Variants in LUZP2 observed in about 807,000 individuals in gnomAD.
The protein encoded by LUZP2 is leucine zipper protein 2.
Under a neutral mutation model 51.6 loss-of-function variants are expected in LUZP2, and 52 were observed. That is an observed-to-expected ratio of 1.01 (90% confidence interval 0.81 to 1.27). The LOEUF (loss-of-function observed/expected upper bound fraction) is 1.27. LUZP2 is among the 50% of genes most tolerant of loss of function. The pLI is 0.00. For missense variants in LUZP2, 436 were observed against 395.4 expected (o/e 1.10, Z -0.87); for synonymous variants, 154 against 137.3 (o/e 1.12, Z -0.85).
At chr11:24,877,931 A>G (rs1590676563) in intron 5 of LUZP2, among the ~76,000 whole-genome samples, 1 of 152,104 alleles carries the variant, frequency 6.6e-6, no homozygotes, top group African/African-American at 2.4e-5. Context: ...GCTGTAAATA[A>G]CAGGATCTCA....
At chr11:25,018,049 T>TTTTTTTTTG (rs1857211282) in intron 9 of LUZP2, among the ~76,000 whole-genome samples, 19 of 100,894 alleles carry the variant, frequency 1.9e-4, no homozygotes, top group Admixed American at 3.1e-4. Context: ...TTTTTTTTTG[T>TTTTTTTTTG]TTTTTTTTTT....
At chr11:24,635,399 T>G (rs1394455407) in intron 1 of LUZP2, among the ~76,000 whole-genome samples, 1 of 143,400 alleles carries the variant, frequency 7.0e-6, no homozygotes, top group Non-Finnish European at 1.5e-5. Context: ...CATGTAAGAT[T>G]TTAAACCTCA....
At chr11:24,865,766 ATATATGCATGTATATG>A (rs1851874377) in intron 5 of LUZP2, among the ~76,000 whole-genome samples, 3 of 122,570 alleles carry the variant, frequency 2.4e-5, no homozygotes, top group South Asian at 3.1e-4. Context: ...ATATGTGTAT[ATATATGCATGTATATG>A]TGTGTGTGTG....
At chr11:24,744,789 G>T (rs1181947104) in intron 4 of LUZP2, among the ~76,000 whole-genome samples, 2 of 145,452 alleles carry the variant, frequency 1.4e-5, no homozygotes, top group Admixed American at 7.1e-5. Context: ...GTTCCTTGAG[G>T]TGTGACCTTA....
intron 9 of LUZP2, among the ~76,000 whole-genome samples, chr11:25,046,861 A>G (rs553035591): frequency 7.9e-5 from 12 of 152,348 alleles, no homozygotes; most frequent in African/African-American, 2.9e-4. Flanking sequence ...TAAAAGCAGA[A>G]TAAAAATGGC....
chr11:24,882,437 T>C (rs183285763), intron 5 of LUZP2, among the ~76,000 whole-genome samples: 3 of 151,946 alleles, frequency 2.0e-5, no homozygotes, highest in East Asian at 3.9e-4. Context: ...TAAACCAACA[T>C]TGAAACGTCG....
chr11:24,602,132 G>GTGTATA (rs1853700788), intron 1 of LUZP2, among the ~76,000 whole-genome samples: 3 of 73,556 alleles, frequency 4.1e-5, no homozygotes, highest in African/African-American at 6.3e-5. Flanking sequence ...ATATGTATAT[G>GTGTATA]TGTATATATG....
intron 5 of LUZP2, among the ~76,000 whole-genome samples, chr11:24,878,101 T>G (rs79057063): frequency 1.4e-4 from 1 of 7,292 alleles, no homozygotes; most frequent in African/African-American, 6.2e-4. Context: ...ATATTCTGTG[T>G]TTTTTTTTTT....
Position 24,894,188 on chromosome 11 carries a change from T to TG in LUZP2, c.397-11803_397-11802insG, listed in dbSNP as rs1263704018. Among the ~76,000 whole-genome samples the TG allele has an allele frequency of 5.5e-4, 83 of 151,780 alleles. 1 individual carries two copies. Among genetic ancestry groups the TG allele is most frequent in the South Asian group, 5.2e-3 (25 of 4,788 alleles). ...CTAAAGTAATTCATTTTTTTTTTTT[T>TG]TTTGTGATGGAGTTTCATTCTTGTT... On this transcript the variant is annotated intron_variant, in intron 5 of 11. Transcript: ENST00000336930.
chr11:24,725,603 G>T (rs1858444958), intron 1 of LUZP2, among the ~76,000 whole-genome samples: 1 of 151,258 alleles, frequency 6.6e-6, no homozygotes, highest in African/African-American at 2.4e-5. Flanking sequence ...ATTGGAGAGG[G>T]GTAAATGTAA....
intron 5 of LUZP2, among the ~76,000 whole-genome samples, chr11:24,864,833 A>G (rs1400584319): frequency 6.6e-6 from 1 of 152,138 alleles, no homozygotes; most frequent in Non-Finnish European, 1.5e-5. Context: ...ACAATCTAAA[A>G]CTGGAGCTGC....
At chr11:24,910,926 G>C (rs773012507) in intron 6 of LUZP2, among the ~76,000 whole-genome samples, 13 of 152,122 alleles carry the variant, frequency 8.5e-5, no homozygotes, top group Non-Finnish European at 1.5e-5. Context: ...AGCCAGGAGG[G>C]GGGCTGTACC....
At chr11:24,718,679 T>C (rs181948872) in intron 1 of LUZP2, among the ~76,000 whole-genome samples, 8 of 152,336 alleles carry the variant, frequency 5.3e-5, no homozygotes, top group Admixed American at 2.0e-4. Context: ...CATTCAATTT[T>C]GTGGTGAAAC....
At chr11:25,061,786 C>G (rs568127497) in intron 10 of LUZP2, among the ~76,000 whole-genome samples, 4 of 152,208 alleles carry the variant, frequency 2.6e-5, no homozygotes, top group Admixed American at 2.6e-4. Context: ...TATTACATCT[C>G]TATCCATTCT....
chr11:24,497,414 C>T, intron 1 of LUZP2, 109 bp downstream of exon 1: 1 of 692,138 alleles, frequency 1.4e-6, no homozygotes, highest in Non-Finnish European at 2.2e-6. Context: ...TTTGCATCTC[C>T]CGCCTAAGCA....
intron 5 of LUZP2, among the ~76,000 whole-genome samples, chr11:24,818,152 T>C (rs1018566963): frequency 2.6e-5 from 4 of 152,064 alleles, no homozygotes; most frequent in Non-Finnish European, 5.9e-5. Context: ...AAGCTGTCAG[T>C]GGAAATGTTT....
chr11:24,797,776 T>C (rs1849585194), intron 5 of LUZP2, among the ~76,000 whole-genome samples: 1 of 152,166 alleles, frequency 6.6e-6, no homozygotes, highest in Non-Finnish European at 1.5e-5. Flanking sequence ...GCTGACATAG[T>C]TTAGGAGTTC....
intron 4 of LUZP2, among the ~76,000 whole-genome samples, chr11:24,757,683 A>G (rs2134021485): frequency 6.6e-6 from 1 of 152,104 alleles, no homozygotes; most frequent in African/African-American, 2.4e-5. Flanking sequence ...TATGCTAAAG[A>G]AAAAAGGTTA....
At chr11:24,564,115 G>A (rs936847549) in intron 1 of LUZP2, among the ~76,000 whole-genome samples, 1 of 152,128 alleles carries the variant, frequency 6.6e-6, no homozygotes, top group Non-Finnish European at 1.5e-5. Flanking sequence ...AGATTTTAAA[G>A]TGTGTGGGCT....
Sources: gnomAD v4.1 joint callset for allele counts (sites outside exome capture counted in the v4.1 genomes callset) on GRCh38, gnomAD v4.1.1 for gene constraint, MANE v1.5 for transcripts, NCBI Gene and HGNC (gene_info 2026-07-23, HGNC 2026-07-21) for gene names.